The following FPR1 variants were observed in gnomAD, a reference collection of about 807,000 sequenced individuals.
The protein encoded by FPR1 is formyl peptide receptor 1, also known as N-formyl peptide receptor 1.
For synonymous variants in FPR1, 193 were observed against 176.7 expected, an observed-to-expected ratio of 1.09 and a Z score of -0.73; for missense variants, 407 against 453.0, an observed-to-expected ratio of 0.90 and a Z score of 0.92.
rs1302309228 is a variant in FPR1, at chr19:51,746,285, C to A, written c.710G>T (p.Ser237Ile). Residue 237 changes from serine to isoleucine, a missense_variant, in exon 2 of 2, where the codon AGT becomes ATT. Physicochemically the swap from Ser to Ile is moderately radical, Grantham distance 142. Coordinates refer to ENST00000304748, the MANE Select transcript of FPR1 (RefSeq NM_002029.4). This position sits in a 1 kb window ranked among gnomAD's most constrained non-coding sequence, Gnocchi z 4.3. The stretch of plus-strand genomic sequence containing the variant: ...AAAGGAGAGGACCCGTAAGGGACGA[C>A]TGGACTTAATCAAGCCTTGCTTGTG... Reference protein sequence around the residue: ...KIHKQGLIKSSRPLRVLSFVA... With the variant: ...KIHKQGLIKSIRPLRVLSFVA... 6.2e-7 allele frequency: 1 copy of A among 1,614,132 alleles called. No individual in the cohort carries two copies. Among genetic ancestry groups the A allele is most frequent in the South Asian group, 1.1e-5 (1 of 91,074 alleles).
rs2083746036 is a variant in FPR1 at position 51,746,454 on chromosome 19, A to G, written c.541T>C (p.Ser181Pro). 2 of 1,614,130 alleles carry G rather than the reference A, an allele frequency of 1.2e-6. No homozygotes were observed. The highest frequency in any genetic ancestry group is 1.3e-5 in the African/African-American group (1 of 75,030). The change falls in exon 2 of 2, where the codon TCG (serine) becomes CCG (proline). Residue 181 changes from serine (S) to proline (P), a missense_variant. By Grantham distance (74) the Ser-to-Pro change is moderately conservative. Transcript: ENST00000304748. This position sits in a 1 kb window ranked among gnomAD's most constrained non-coding sequence, Gnocchi z 4.3. Reference sequence around the variant, plus strand: ...TCTTTAGGGTCGTTGGTCCAGGGCGAAAAGTTAAAAGTGCAGGCTACTGTC... The same window carrying G: ...TCTTTAGGGTCGTTGGTCCAGGGCGGAAAGTTAAAAGTGCAGGCTACTGTC... ...TGTVACTFNFSPWTNDPKERI... is the reference protein window; with the variant it reads ...TGTVACTFNFPPWTNDPKERI...
At chr19:51,751,202 A>G (rs1457921951) in intron 1 of FPR1, among the ~76,000 whole-genome samples, 1 of 152,056 alleles carries the variant, frequency 6.6e-6, no homozygotes, top group Non-Finnish European at 1.5e-5. Context: ...CTGTAACCAG[A>G]AAACAAGTGT....
In FPR1 at chr19:51,746,968, C is replaced by A; in HGVS notation, c.27G>T (p.Thr9=). The change falls in exon 2 of 2, where the codon ACG becomes ACT. Residue 9 remains threonine (T), a synonymous_variant. Coordinates refer to ENST00000304748, the MANE Select transcript of FPR1 (RefSeq NM_002029.4). The surrounding 1 kb of genome is among the most constrained non-coding windows in gnomAD (Gnocchi z 4.3). METNSSLP[T]NISGGTPAVS... is the part of the protein sequence containing the mutation. The stretch of plus-strand genomic sequence containing the variant: ...CAGCAGGTGTCCCTCCAGAGATGTT[C>A]GTGGGGAGAGAGGAATTTGTCTCCA... The A allele has an allele frequency of 6.2e-7, 1 of 1,612,562 alleles. No individual in the cohort carries two copies. Among genetic ancestry groups the A allele is most frequent in the South Asian group, 1.1e-5 (1 of 91,026 alleles).
At chr19:51,749,765 A>G (rs4802857) in intron 1 of FPR1, among the ~76,000 whole-genome samples, 113,651 of 151,876 alleles carry the variant, frequency 0.75, 42,919 homozygotes, top group East Asian at 0.97. Flanking sequence ...AGGTTCAAGC[A>G]ATTCTCCTGT....
chr19:51,746,569 G>A lies in FPR1; in HGVS notation c.426C>T (p.Ala142=). 1 of 1,614,182 alleles carries A rather than the reference G, an allele frequency of 6.2e-7. No individual in the cohort carries two copies. The change falls in exon 2 of 2, where the codon GCC becomes GCT. Residue 142 remains alanine (A), a synonymous_variant. Coordinates refer to ENST00000304748, the MANE Select transcript of FPR1 (RefSeq NM_002029.4). This position sits in a 1 kb window ranked among gnomAD's most constrained non-coding sequence, Gnocchi z 4.3. The part of the protein sequence containing the change: ...WTQNHRTVSL[A]KKVIIGPWVM... ...CCCAGGGCCCAATGATCACCTTCTT[G>A]GCCAGGCTCACGGTGCGGTGGTTCT...
chr19:51,746,288 G>T lies in FPR1; in HGVS notation c.707C>A (p.Ser236Tyr), dbSNP rs371524501. 4.3e-6 allele frequency: 7 copies of T among 1,614,006 alleles called. No individual in the cohort carries two copies. The highest frequency in any genetic ancestry group is 5.9e-6 in the Non-Finnish European group (7 of 1,180,036). ...GGAGAGGACCCGTAAGGGACGACTG[G>T]ACTTAATCAAGCCTTGCTTGTGGAT... ...TKIHKQGLIKSSRPLRVLSFV... is the reference protein window; with the variant it reads ...TKIHKQGLIKYSRPLRVLSFV... The change falls in exon 2 of 2, where the codon TCC (serine) becomes TAC (tyrosine). Residue 236 changes from serine to tyrosine, a missense_variant. Transcript: ENST00000304748. The surrounding 1 kb of genome is among the most constrained non-coding windows in gnomAD (Gnocchi z 4.3).
At chr19:51,748,365 T>C (rs188671758) in intron 1 of FPR1, among the ~76,000 whole-genome samples, 230 of 152,348 alleles carry the variant, frequency 1.5e-3, no homozygotes, top group Non-Finnish European at 2.4e-3. Flanking sequence ...AGTTTTTGCT[T>C]GGTGTGATTA....
intron 1 of FPR1, among the ~76,000 whole-genome samples, chr19:51,751,255 T>TC (rs1489911800): frequency 6.6e-6 from 1 of 151,994 alleles, no homozygotes; most frequent in African/African-American, 2.4e-5. Flanking sequence ...TAAAACTCAT[T>TC]CCCCCATTTA....
chr19:51,745,585 A>G (rs190288740), downstream of FPR1: 172 of 211,200 alleles, frequency 8.1e-4, 1 homozygote, highest in Middle Eastern at 6.7e-3. Flanking sequence ...TCAGAATGGA[A>G]GTGGACACTA....
rs146389886 is a variant in FPR1 at position 51,750,448 on chromosome 19, T to A, written c.-12+1366A>T. On this transcript the variant is annotated intron_variant, in intron 1 of 1. Transcript: ENST00000304748. ...CTTTTTAAAGTGCCTACTTGACACTTTGAAATTACATATGTGTCTCACATT... is the reference window on the plus strand; with the variant it reads ...CTTTTTAAAGTGCCTACTTGACACTATGAAATTACATATGTGTCTCACATT... Among the ~76,000 whole-genome samples, 815 of 152,314 alleles carry A rather than the reference T, an allele frequency of 5.4e-3. 8 individuals carry two copies. Among genetic ancestry groups the A allele is most frequent in the African/African-American group, 0.019 (782 of 41,568 alleles).
chr19:51,746,117 T>A lies in FPR1; in HGVS notation c.878A>T (p.Asn293Ile). ...ATAGAGCATGGGGTTGAGGCAGCTG[T>A]TGAAGAAGGCCAGGGCACTTGTCAC... ...VDVTSALAFF[N>I]SCLNPMLYVF... Residue 293 changes from asparagine to isoleucine, a missense_variant, in exon 2 of 2, where the codon AAC (asparagine) becomes ATC (isoleucine). Transcript: ENST00000304748. This position sits in a 1 kb window ranked among gnomAD's most constrained non-coding sequence, Gnocchi z 4.3. 1.2e-6 allele frequency: 2 copies of A among 1,614,176 alleles called. No individual in the cohort carries two copies. The highest frequency in any genetic ancestry group is 1.7e-6 in the Non-Finnish European group (2 of 1,180,022).
intron 1 of FPR1, among the ~76,000 whole-genome samples, chr19:51,748,529 T>G (rs955686266): frequency 2.6e-5 from 4 of 152,212 alleles, no homozygotes; most frequent in African/African-American, 9.6e-5. Flanking sequence ...GGTGCGATCT[T>G]GGCTCACTGC....
downstream of FPR1, chr19:51,745,620 G>A (rs192815716): frequency 2.5e-4 from 69 of 271,944 alleles, no homozygotes; most frequent in East Asian, 5.3e-3. Flanking sequence ...AGAATGATGG[G>A]TATCATTCAC....
In FPR1 at chr19:51,747,221, C is replaced by CTTT. The variant is rs55849683; in HGVS notation, c.-11-219_-11-217dup. The stretch of plus-strand genomic sequence containing the variant: ...TTGTACCTGTTGGGCAAGATTACAT[C>CTTT]TTTTTTTTTTTTTTTGAGATGGAAT... On this transcript the variant is annotated intron_variant, in intron 1 of 1. Transcript: ENST00000304748. Among the ~76,000 whole-genome samples the CTTT allele has an allele frequency of 5.7e-3, 806 of 141,518 alleles. 10 individuals carry two copies. The highest frequency in any genetic ancestry group is 0.02 in the African/African-American group (737 of 37,276). 92.8% of individuals were successfully genotyped at this position (141,518 alleles called of 152,430 possible).
chr19:51,745,998 C>T lies in FPR1; in HGVS notation c.997G>A (p.Asp333Asn). 2 of 1,614,098 alleles carry T rather than the reference C, an allele frequency of 1.2e-6. No individual in the cohort carries two copies. Among genetic ancestry groups the T allele is most frequent in the Admixed American group, 3.3e-5 (2 of 60,012 alleles). ...ALTEDSTQTS[D>N]TATNSTLPSA... Reference sequence around the variant, plus strand: ...GGTAAAGTAGAATTGGTAGCTGTGTCACTGGTTTGGGTTGAGTCCTCGGTC... The same window carrying T: ...GGTAAAGTAGAATTGGTAGCTGTGTTACTGGTTTGGGTTGAGTCCTCGGTC... Residue 333 changes from aspartate to asparagine, a missense_variant, in exon 2 of 2, where the codon GAC (aspartate) becomes AAC (asparagine). Physicochemically the swap from Asp to Asn is conservative, Grantham distance 23. Coordinates refer to ENST00000304748, the MANE Select transcript of FPR1 (RefSeq NM_002029.4).
At position 51,745,973 on chromosome 19, in the gene FPR1, G is replaced by A. The variant is rs769687769; in HGVS notation, c.1022C>T (p.Pro341Leu). ...TSDTATNSTLPSAEVELQAK is the reference protein window; with the variant it reads ...TSDTATNSTLLSAEVELQAK Reference sequence around the variant, plus strand: ...TGCCTGTAACTCCACCTCTGCAGAAGGTAAAGTAGAATTGGTAGCTGTGTC... The same window carrying A: ...TGCCTGTAACTCCACCTCTGCAGAAAGTAAAGTAGAATTGGTAGCTGTGTC... Residue 341 changes from proline to leucine, a missense_variant, in exon 2 of 2, where the codon CCT becomes CTT. Coordinates refer to ENST00000304748, the MANE Select transcript of FPR1 (RefSeq NM_002029.4). The A allele has an allele frequency of 6.2e-7, 1 of 1,613,506 alleles. No individual in the cohort carries two copies. Among genetic ancestry groups the A allele is most frequent in the Non-Finnish European group, 8.5e-7 (1 of 1,179,456 alleles).
rs754643538 is a variant in FPR1 at position 51,746,283 on chromosome 19, G to A, written c.712C>T (p.Arg238Cys). 4 of 1,614,024 alleles carry A rather than the reference G, an allele frequency of 2.5e-6. No individual in the cohort carries two copies. The highest frequency in any genetic ancestry group is 2.2e-5 in the East Asian group (1 of 44,892). ...IHKQGLIKSS[R>C]PLRVLSFVAA... ...ACAAAGGAGAGGACCCGTAAGGGAC[G>A]ACTGGACTTAATCAAGCCTTGCTTG... The change falls in exon 2 of 2, where the codon CGT becomes TGT. Residue 238 changes from arginine to cysteine, a missense_variant. Transcript: ENST00000304748. The surrounding 1 kb of genome is among the most constrained non-coding windows in gnomAD (Gnocchi z 4.3).
intron 1 of FPR1, among the ~76,000 whole-genome samples, chr19:51,749,243 C>A (rs2083766647): frequency 6.6e-6 from 1 of 152,052 alleles, no homozygotes; most frequent in Admixed American, 6.6e-5. Context: ...TGCAACTTCT[C>A]CACTCCAAAT....
chr19:51,750,541 T>G (rs568161011), intron 1 of FPR1: 1 of 152,226 alleles, frequency 6.6e-6, no homozygotes, highest in East Asian at 1.9e-4. Flanking sequence ...CTACCACCCA[T>G]CCAACCACCA....
Sources: allele counts gnomAD v4.1 joint callset (sites outside exome capture counted in the v4.1 genomes callset), GRCh38; gene constraint gnomAD v4.1.1; non-coding constraint Gnocchi (gnomAD v3.1); transcripts MANE v1.5; gene names NCBI Gene and HGNC (gene_info 2026-07-23, HGNC 2026-07-21).